OSBPL6: variants seen among roughly 807,000 people sequenced by gnomAD.
The protein encoded by OSBPL6 is oxysterol-binding protein-related protein 6.
OSBPL6 carries 49 observed loss-of-function variants against 125.8 expected under a neutral mutation model. The ratio of observed to expected loss-of-function variants is 0.39; its 90% confidence interval spans 0.31 to 0.49. The LOEUF (loss-of-function observed/expected upper bound fraction) is 0.49, where lower values mean the gene tolerates loss of function less well. Among genes scored for constraint, OSBPL6 ranks in the 20% least tolerant of loss-of-function variants. The pLI is 0.88. For synonymous variants in OSBPL6, 394 were observed against 391.8 expected (o/e 1.01, Z -0.07); for missense variants, 986 against 1,135.4 (o/e 0.87, Z 1.89).
intron 2 of OSBPL6, among the ~76,000 whole-genome samples, chr2:178,293,746 T>C (rs894459703): frequency 6.6e-6 from 1 of 152,068 alleles, no homozygotes; most frequent in Non-Finnish European, 1.5e-5. Flanking sequence ...ATTCTAACTA[T>C]TTTTTGTACC....
chr2:178,292,531 G>C (rs145370071), intron 2 of OSBPL6, among the ~76,000 whole-genome samples: 1 of 152,132 alleles, frequency 6.6e-6, no homozygotes, highest in Non-Finnish European at 1.5e-5. Context: ...AAGGTTTAAC[G>C]TTTTAGAACT....
At chr2:178,220,724 G>A (rs2090302811) in intron 1 of OSBPL6, among the ~76,000 whole-genome samples, 1 of 152,182 alleles carries the variant, frequency 6.6e-6, no homozygotes, top group African/African-American at 2.4e-5. Context: ...GTATTTTTCT[G>A]TTGAAAGTAA....
intron 1 of OSBPL6, among the ~76,000 whole-genome samples, chr2:178,222,915 A>G (rs1159377859): frequency 6.6e-6 from 1 of 152,214 alleles, no homozygotes; most frequent in Non-Finnish European, 1.5e-5. Context: ...TTTCATAAAA[A>G]TAGTCATGCA....
At chr2:178,209,895 C>T (rs1422318284) in intron 1 of OSBPL6, among the ~76,000 whole-genome samples, 2 of 151,900 alleles carry the variant, frequency 1.3e-5, no homozygotes, top group Non-Finnish European at 2.9e-5. Flanking sequence ...ACTTAAAAAG[C>T]TTCCCAAGAC....
At chr2:178,248,504 T>C (rs2091573153) in intron 1 of OSBPL6, among the ~76,000 whole-genome samples, 1 of 152,238 alleles carries the variant, frequency 6.6e-6, no homozygotes, top group East Asian at 1.9e-4. Flanking sequence ...ATCCAATTTG[T>C]AACCCTGATG....
intron 2 of OSBPL6, among the ~76,000 whole-genome samples, chr2:178,297,161 T>C (rs1685833008): frequency 6.6e-6 from 1 of 152,180 alleles, no homozygotes; most frequent in South Asian, 2.1e-4. Context: ...AGGCCTTTTT[T>C]TTTAGGACAA....
chr2:178,371,687 A>G (rs1004228455), intron 13 of OSBPL6, among the ~76,000 whole-genome samples: 2 of 152,204 alleles, frequency 1.3e-5, no homozygotes, highest in African/African-American at 4.8e-5. Context: ...ATTTCTAACT[A>G]ATTTTTAAGA....
intron 13 of OSBPL6, among the ~76,000 whole-genome samples, chr2:178,367,599 T>C (rs1477356662): frequency 1.3e-5 from 2 of 152,206 alleles, no homozygotes; most frequent in African/African-American, 4.8e-5. Context: ...GGTTGATGAA[T>C]GGTAGTTAGT....
chr2:178,387,653 T>C (rs946219426), intron 20 of OSBPL6, among the ~76,000 whole-genome samples: 1 of 152,152 alleles, frequency 6.6e-6, no homozygotes, highest in African/African-American at 2.4e-5. Flanking sequence ...ATGAACTGGA[T>C]ATGGAAGAAG....
At chr2:178,361,282 A>C (rs1427839961) in intron 12 of OSBPL6, among the ~76,000 whole-genome samples, 1 of 152,224 alleles carries the variant, frequency 6.6e-6, no homozygotes, top group Non-Finnish European at 1.5e-5. Flanking sequence ...ATAGTTCTAA[A>C]TTATTTATGT....
intron 1 of OSBPL6, among the ~76,000 whole-genome samples, chr2:178,203,113 AT>A (rs1199895451): frequency 6.6e-6 from 1 of 152,054 alleles, no homozygotes; most frequent in Non-Finnish European, 1.5e-5. Context: ...GGCTATGTTC[AT>A]TTTTTAAAGT....
At chr2:178,295,140 G>T (rs988802119) in intron 2 of OSBPL6, among the ~76,000 whole-genome samples, 2 of 151,886 alleles carry the variant, frequency 1.3e-5, no homozygotes, top group Admixed American at 6.6e-5. Context: ...CTTCTTTCAC[G>T]TGTTAGGGGA....
At chr2:178,302,204 G>A (rs929590921) in intron 2 of OSBPL6, among the ~76,000 whole-genome samples, 1 of 152,192 alleles carries the variant, frequency 6.6e-6, no homozygotes, top group African/African-American at 2.4e-5. Context: ...AATACTTGTA[G>A]TGTTCCCACT....
At position 178,278,012 on chromosome 2, in the gene OSBPL6, G is replaced by T. The variant is rs181989512; in HGVS notation, c.-350-6915G>T. Among the ~76,000 whole-genome samples, 29 of 152,240 alleles carry T rather than the reference G, an allele frequency of 1.9e-4. No individual in the cohort carries two copies. In the East Asian group the frequency reaches 5.6e-3, roughly 29 times the overall value. ...TCAAACCTTTTCTCTGGCTTCCCCT[G>T]CTCTACTCTCCTCCTTTGTCCCCTA... On this transcript the variant is annotated intron_variant, in intron 1 of 24. Coordinates refer to ENST00000190611, the MANE Select transcript of OSBPL6 (RefSeq NM_032523.4).
intron 1 of OSBPL6, among the ~76,000 whole-genome samples, chr2:178,248,403 A>G (rs533347543): frequency 6.6e-6 from 1 of 152,198 alleles, no homozygotes; most frequent in Non-Finnish European, 1.5e-5. Flanking sequence ...GTATGGCTTT[A>G]TCTTTTCACA....
At chr2:178,329,042 C>T (rs903896466) in intron 5 of OSBPL6, among the ~76,000 whole-genome samples, 2 of 152,074 alleles carry the variant, frequency 1.3e-5, no homozygotes, top group African/African-American at 4.8e-5. Flanking sequence ...TTATATATCC[C>T]ACTGCTATCG....
At chr2:178,275,148 G>T (rs992433145) in intron 1 of OSBPL6, among the ~76,000 whole-genome samples, 8 of 152,196 alleles carry the variant, frequency 5.3e-5, no homozygotes, top group Admixed American at 2.6e-4. Flanking sequence ...CTATTTTCTA[G>T]CATGAAGTAA....
At chr2:178,283,212 T>C (rs1684385511) in intron 1 of OSBPL6, among the ~76,000 whole-genome samples, 1 of 151,928 alleles carries the variant, frequency 6.6e-6, no homozygotes, top group South Asian at 2.1e-4. Flanking sequence ...TTTAAAGAAG[T>C]GGAAGGGGAG....
chr2:178,315,394 G>A (rs1289470976), intron 3 of OSBPL6, among the ~76,000 whole-genome samples: 1 of 152,158 alleles, frequency 6.6e-6, no homozygotes, highest in South Asian at 2.1e-4. Context: ...TTATGAGTTT[G>A]TGTGTGTGTA....
Sources: gnomAD v4.1 joint callset for allele counts (sites outside exome capture counted in the v4.1 genomes callset) on GRCh38, gnomAD v4.1.1 for gene constraint, MANE v1.5 for transcripts, NCBI Gene and HGNC (gene_info 2026-07-23, HGNC 2026-07-21) for gene names.